MRPL1: variants seen among roughly 807,000 people sequenced by gnomAD.
MRPL1 encodes mitochondrial ribosomal protein L1.
In MRPL1, 28 loss-of-function variants were observed where a neutral mutation model predicts 38.0. The ratio of observed to expected loss-of-function variants is 0.74; its 90% CI spans 0.55 to 1.01. The LOEUF (loss-of-function observed/expected upper bound fraction) is 1.01. Ranked by LOEUF, MRPL1 falls within the 50% of genes least tolerant of loss-of-function variation. The pLI, the probability that MRPL1 is intolerant of heterozygous loss-of-function variation, is 0.00. For missense variants in MRPL1, 358 were observed against 389.8 expected (o/e 0.92, Z 0.69); for synonymous variants, 123 against 126.7 (o/e 0.97, Z 0.20).
intron 5 of MRPL1, among the ~76,000 whole-genome samples, chr4:77,892,558 G>A (rs1435958924): frequency 3.3e-5 from 5 of 152,134 alleles, no homozygotes; most frequent in Admixed American, 6.6e-5. Context: ...CTAAGAGCTT[G>A]ATTTCCATCC....
At chr4:77,869,379 G>A (rs935285659) in intron 1 of MRPL1, among the ~76,000 whole-genome samples, 8 of 152,126 alleles carry the variant, frequency 5.3e-5, no homozygotes, top group Admixed American at 3.9e-4. Context: ...GAAGAGAAAT[G>A]TATTAATAAA....
intron 2 of MRPL1, among the ~76,000 whole-genome samples, chr4:77,877,080 A>G (rs1177502717): frequency 2.0e-5 from 3 of 152,092 alleles, no homozygotes; most frequent in Non-Finnish European, 4.4e-5. Flanking sequence ...TTGTATTTTT[A>G]GTAGAGACGG....
chr4:77,952,741 C>T lies in MRPL1; in HGVS notation c.*134C>T. On this transcript the variant is annotated 3_prime_UTR_variant, in exon 9 of 9. Coordinates refer to ENST00000315567, the MANE Select transcript of MRPL1 (RefSeq NM_020236.4). ...TGAACTTTAACATTGAAAAATCGTA[C>T]AGTCATTTCAAGAATAAGAAAATAA... The T allele has an allele frequency of 1.6e-6, 1 of 610,892 alleles. No homozygotes were observed. Among genetic ancestry groups the T allele is most frequent in the Non-Finnish European group, 2.8e-6 (1 of 359,034 alleles). The allele number at this position is 610,892 out of a possible 1,614,324, so 37.8% of individuals were successfully genotyped here.
chr4:77,920,405 G>A (rs753768288), intron 7 of MRPL1, among the ~76,000 whole-genome samples: 7 of 152,026 alleles, frequency 4.6e-5, no homozygotes, highest in Non-Finnish European at 1.0e-4. Flanking sequence ...GGTTCATAGC[G>A]TTTTTCAAAA....
At chr4:77,923,373 G>T (rs1215056953) in intron 7 of MRPL1, among the ~76,000 whole-genome samples, 1 of 152,070 alleles carries the variant, frequency 6.6e-6, no homozygotes, top group Non-Finnish European at 1.5e-5. Flanking sequence ...TGGGATTACA[G>T]ATGTGAGCCA....
At chr4:77,951,845 G>A (rs1172785741) in intron 8 of MRPL1, among the ~76,000 whole-genome samples, 3 of 152,172 alleles carry the variant, frequency 2.0e-5, no homozygotes, top group Non-Finnish European at 4.4e-5. Context: ...ATGAGATGCT[G>A]CTTATCCGGA....
chr4:77,946,772 G>C (rs771509032), intron 7 of MRPL1, among the ~76,000 whole-genome samples: 3 of 152,158 alleles, frequency 2.0e-5, no homozygotes, highest in Non-Finnish European at 2.9e-5. Flanking sequence ...GGTTCTCAGA[G>C]TGTGGTCCAG....
intron 7 of MRPL1, among the ~76,000 whole-genome samples, chr4:77,932,235 T>C (rs555487062): frequency 6.6e-5 from 10 of 152,236 alleles, no homozygotes; most frequent in East Asian, 1.9e-4. Flanking sequence ...CTAGTGAACA[T>C]TGGGATTTCT....
intron 5 of MRPL1, among the ~76,000 whole-genome samples, chr4:77,889,152 C>G (rs1176636488): frequency 6.6e-6 from 1 of 152,234 alleles, no homozygotes; most frequent in East Asian, 1.9e-4. Context: ...CTACAGAACT[C>G]TCCACCCCAA....
chr4:77,930,041 G>A (rs998438479), intron 7 of MRPL1, among the ~76,000 whole-genome samples: 2 of 152,204 alleles, frequency 1.3e-5, no homozygotes, highest in African/African-American at 2.4e-5. Context: ...GGTTGGGAGA[G>A]AAGACCAGAT....
Position 77,949,867 on chromosome 4 carries a change from C to T in MRPL1, c.848C>T (p.Pro283Leu), listed in dbSNP as rs137874988. ...AVINEVCRHR[P>L]LNLGPFVVRA... ...ATTAATGAAGTTTGTAGGCACAGAC[C>T]GCTGAATTTGGGTAAGTGGTTTGCT... The change falls in exon 8 of 9, where the codon CCG becomes CTG. Residue 283 changes from proline (P) to leucine (L), a missense_variant. Coordinates refer to ENST00000315567, the MANE Select transcript of MRPL1 (RefSeq NM_020236.4). 202 of 1,607,142 alleles carry T rather than the reference C, an allele frequency of 1.3e-4. 1 individual carries two copies. Among genetic ancestry groups the T allele is most frequent in the South Asian group, 9.6e-4 (86 of 90,050 alleles).
At chr4:77,890,046 G>C (rs1735772056) in intron 5 of MRPL1, among the ~76,000 whole-genome samples, 1 of 152,146 alleles carries the variant, frequency 6.6e-6, no homozygotes, top group Admixed American at 6.5e-5. Context: ...GATTCTACCA[G>C]AGGTACAAAG....
chr4:77,879,510 A>G (rs573027791), intron 2 of MRPL1, among the ~76,000 whole-genome samples: 9 of 152,222 alleles, frequency 5.9e-5, no homozygotes, highest in Non-Finnish European at 1.0e-4. Flanking sequence ...AAAAAGTCAT[A>G]TTTCAGCCTT....
At chr4:77,886,877 C>T (rs1040877342) in intron 4 of MRPL1, among the ~76,000 whole-genome samples, 15 of 149,560 alleles carry the variant, frequency 1.0e-4, no homozygotes, top group Non-Finnish European at 2.2e-4. Flanking sequence ...ACTGCATCCT[C>T]CCCCTCCTGG....
At chr4:77,916,394 A>G (rs757500459) in intron 7 of MRPL1, among the ~76,000 whole-genome samples, 3 of 152,132 alleles carry the variant, frequency 2.0e-5, no homozygotes, top group Non-Finnish European at 4.4e-5. Context: ...TTTAATTAAT[A>G]TATGTACATG....
rs750169674 is a variant in MRPL1 at position 77,871,862 on chromosome 4, A to AT, written c.143+16dup. 405 of 1,516,530 alleles carry AT rather than the reference A, an allele frequency of 2.7e-4. No individual in the cohort carries two copies. The highest frequency in any genetic ancestry group is 4.6e-4 in the Admixed American group (24 of 52,480). The allele number at this position is 1,516,530 out of a possible 1,614,324, so 93.9% of individuals were successfully genotyped here. On this transcript the variant is annotated splice_region_variant and intron_variant, in intron 2 of 8. Coordinates refer to ENST00000315567, the MANE Select transcript of MRPL1 (RefSeq NM_020236.4). ...ATTTTGCTGCTGCTACAAAGTAAGT[A>AT]TTTTTTTTTAGTTATTATTTCATTT...
intron 5 of MRPL1, among the ~76,000 whole-genome samples, chr4:77,887,905 T>G (rs1381847940): frequency 6.6e-6 from 1 of 151,980 alleles, no homozygotes; most frequent in African/African-American, 2.4e-5. Flanking sequence ...TGTCTGAGAG[T>G]TTTGTGGATA....
chr4:77,907,080 A>G (rs1444974390), intron 6 of MRPL1: 1 of 985,276 alleles, frequency 1.0e-6, no homozygotes, highest in Non-Finnish European at 1.2e-6. Context: ...TGAGTTCCTC[A>G]CATTGATTCA....
At chr4:77,879,397 A>G (rs1451490570) in intron 2 of MRPL1, among the ~76,000 whole-genome samples, 3 of 152,228 alleles carry the variant, frequency 2.0e-5, no homozygotes, top group African/African-American at 4.8e-5. Context: ...CACTTTAAAT[A>G]TGTTGTGAAA....
Sources: allele counts gnomAD v4.1 joint callset (sites outside exome capture counted in the v4.1 genomes callset), GRCh38; gene constraint gnomAD v4.1.1; transcripts MANE v1.5; gene names NCBI Gene and HGNC (gene_info 2026-07-23, HGNC 2026-07-21).